LPCAT2: variants seen among roughly 807,000 people sequenced by gnomAD.
The protein encoded by LPCAT2 is lysophosphatidylcholine acyltransferase 2.
In LPCAT2, 58 loss-of-function variants were observed where a neutral mutation model predicts 64.7. The observed-to-expected ratio is 0.90, with a 90% CI of 0.73 to 1.12. The LOEUF (loss-of-function observed/expected upper bound fraction) is 1.12. Among genes scored for constraint, LPCAT2 ranks in the 50% most tolerant of loss-of-function variants. LPCAT2 has a pLI of 0.00. For missense variants in LPCAT2, 579 were observed against 669.8 expected, an observed-to-expected ratio of 0.86 and a Z score of 1.50; for synonymous variants, 252 against 245.3, an observed-to-expected ratio of 1.03 and a Z score of -0.26.
At chr16:55,533,743 CAGGA>C (rs1963287293) in intron 6 of LPCAT2, among the ~76,000 whole-genome samples, 1 of 152,104 alleles carries the variant, frequency 6.6e-6, no homozygotes, top group East Asian at 1.9e-4. Context: ...AGAGTTGACT[CAGGA>C]AGTAGTCTCT....
intron 13 of LPCAT2, 139 bp downstream of exon 13, chr16:55,579,383 A>G: frequency 1.3e-6 from 1 of 794,522 alleles, no homozygotes; most frequent in Non-Finnish European, 1.9e-6. Context: ...CACAGTAATA[A>G]TAGTAGTAAT....
chr16:55,535,152 G>A (rs143181782), intron 7 of LPCAT2, among the ~76,000 whole-genome samples: 12 of 152,242 alleles, frequency 7.9e-5, no homozygotes, highest in South Asian at 4.1e-4. Context: ...GGTGAGAGCC[G>A]TATGAAATAC....
In LPCAT2 at chr16:55,586,432, A is replaced by C. The variant is rs531452570; in HGVS notation, c.*3334A>C. 2.7e-5 allele frequency: 4 copies of C among 147,834 alleles called. No individual in the cohort carries two copies. The East Asian group carries it at 8.3e-4, about 31-fold the overall frequency. The allele number at this position is 147,834 out of a possible 1,614,324, so 9.2% of individuals were successfully genotyped here. A position where few individuals can be genotyped will look rare whatever the true frequency, so the allele number is the denominator to read the frequency against. On this transcript the variant is annotated 3_prime_UTR_variant, in exon 14 of 14. Transcript: ENST00000262134. The stretch of plus-strand genomic sequence containing the variant: ...ATCTATGCACATTAGCAAAATTTAA[A>C]AGATAGAGAAAAATATAAACAGAAA...
intron 2 of LPCAT2, among the ~76,000 whole-genome samples, chr16:55,527,184 T>C (rs1963182551): frequency 6.6e-6 from 1 of 152,142 alleles, no homozygotes; most frequent in African/African-American, 2.4e-5. Flanking sequence ...TAGTTGCTAA[T>C]AGCTCCTCAG....
chr16:55,515,908 G>A (rs574688916), intron 1 of LPCAT2, among the ~76,000 whole-genome samples: 4 of 152,170 alleles, frequency 2.6e-5, no homozygotes, highest in Admixed American at 1.3e-4. Flanking sequence ...TTTAACACAG[G>A]AGAAGGCAAC....
In LPCAT2 at chr16:55,576,532, G is replaced by C. The variant is rs1038333077; in HGVS notation, c.1314+1803G>C. Among the ~76,000 whole-genome samples, 3 of 152,048 alleles carry C rather than the reference G, an allele frequency of 2.0e-5. No individual in the cohort carries two copies. The South Asian group carries it at 6.2e-4, about 32-fold the overall frequency. ...GAAAACTCACAGCCAGGAAGCTTCA[G>C]AGGTCCTGGCTGCAGGAACAGCCTT... On this transcript the variant is annotated intron_variant, in intron 12 of 13. Transcript: ENST00000262134.
At chr16:55,561,863 G>T (rs750416701) in intron 11 of LPCAT2, among the ~76,000 whole-genome samples, 11 of 152,048 alleles carry the variant, frequency 7.2e-5, no homozygotes, top group African/African-American at 2.6e-4. Flanking sequence ...GTGCCTATGA[G>T]AAATAAAATC....
chr16:55,522,076 C>T (rs1438102894), intron 1 of LPCAT2, among the ~76,000 whole-genome samples: 1 of 151,620 alleles, frequency 6.6e-6, no homozygotes, highest in Non-Finnish European at 1.5e-5. Flanking sequence ...ATGATATAGA[C>T]TGTATATGAA....
chr16:55,542,050 T>C, intron 8 of LPCAT2: 1 of 978,148 alleles, frequency 1.0e-6, no homozygotes, highest in Non-Finnish European at 1.3e-6. Context: ...TTCCTCATCA[T>C]TTTTTTAGTA....
chr16:55,533,846 T>C (rs1963288994), intron 6 of LPCAT2, among the ~76,000 whole-genome samples: 1 of 152,200 alleles, frequency 6.6e-6, no homozygotes, highest in Admixed American at 6.6e-5. Flanking sequence ...ATGTTTTGGT[T>C]CTGAGAGGAA....
At chr16:55,568,226 C>T (rs1430363772) in intron 11 of LPCAT2, among the ~76,000 whole-genome samples, 2 of 152,162 alleles carry the variant, frequency 1.3e-5, no homozygotes, top group Non-Finnish European at 1.5e-5. Context: ...ACAATATGCT[C>T]ATAGTTCAAA....
chr16:55,545,806 T>C lies in LPCAT2; in HGVS notation c.924T>C (p.Asn308=). 3 of 1,609,746 alleles carry C rather than the reference T, an allele frequency of 1.9e-6. No homozygotes were observed. The highest frequency in any genetic ancestry group is 2.5e-6 in the Non-Finnish European group (3 of 1,176,686). The change falls in exon 9 of 14, where the codon AAT becomes AAC. Residue 308 remains asparagine, a synonymous_variant. Transcript: ENST00000262134. The part of the protein sequence containing the change: ...DPVLFANKVR[N]LMAEALGIPV... ...TCCTTTTTGCCAATAAAGTCCGGAA[T>C]TTAATGGCAGAGTAAGTGTCTATAT...
intron 3 of LPCAT2, among the ~76,000 whole-genome samples, chr16:55,529,335 G>C (rs1963219581): frequency 6.6e-6 from 1 of 151,940 alleles, no homozygotes; most frequent in Non-Finnish European, 1.5e-5. Flanking sequence ...ACCATGCTTT[G>C]TGTAATATGG....
chr16:55,521,424 A>G (rs1378686762), intron 1 of LPCAT2, among the ~76,000 whole-genome samples: 1 of 151,838 alleles, frequency 6.6e-6, no homozygotes. Context: ...AAAATCACTC[A>G]CACAAGCTCT....
intron 11 of LPCAT2, among the ~76,000 whole-genome samples, chr16:55,554,378 C>T (rs573602430): frequency 6.6e-6 from 1 of 152,296 alleles, no homozygotes; most frequent in East Asian, 1.9e-4. Context: ...TGCTGCCATA[C>T]CTTGCACTTT....
chr16:55,553,056 A>AT (rs146279567), intron 11 of LPCAT2, among the ~76,000 whole-genome samples: 140,994 of 152,104 alleles, frequency 0.93, 65,931 homozygotes, highest in East Asian at 0.99. Flanking sequence ...ACAGTTGAAC[A>AT]GGTGAAACCC....
chr16:55,544,831 C>G (rs1224626522), intron 8 of LPCAT2, among the ~76,000 whole-genome samples: 2 of 152,026 alleles, frequency 1.3e-5, no homozygotes, highest in Non-Finnish European at 2.9e-5. Context: ...TTGAATCTGA[C>G]AAATCTTGGG....
chr16:55,522,683 A>G (rs1963114076), intron 1 of LPCAT2, among the ~76,000 whole-genome samples: 2 of 151,654 alleles, frequency 1.3e-5, no homozygotes, highest in Admixed American at 6.6e-5. Context: ...TATTCAATTG[A>G]TTTTTTGCAA....
rs1555496863 is a variant in LPCAT2, at chr16:55,549,237, T to TA, written c.936-32dup. ...AGTGAAATATGATTACTTTTTTTTT[T>TA]AAAAAAAATGAATTTTAGTTTGCTT... is the stretch of plus-strand genomic sequence containing the variant. On this transcript the variant is annotated intron_variant, in intron 9 of 13. Transcript: ENST00000262134. 3.2e-4 allele frequency: 422 copies of TA among 1,331,362 alleles called. 1 individual carries two copies. Among genetic ancestry groups the TA allele is most frequent in the South Asian group, 4.6e-4 (32 of 69,236 alleles). The allele number at this position is 1,331,362 out of a possible 1,614,324, so 82.5% of individuals were successfully genotyped here. A position where few individuals can be genotyped will look rare whatever the true frequency, so the allele number is the denominator to read the frequency against.
Sources: gnomAD v4.1 joint callset for allele counts (sites outside exome capture counted in the v4.1 genomes callset) on GRCh38, gnomAD v4.1.1 for gene constraint, MANE v1.5 for transcripts, NCBI Gene and HGNC (gene_info 2026-07-23, HGNC 2026-07-21) for gene names.